Variants in CRYBA2 observed in about 807,000 individuals in gnomAD.
The protein encoded by CRYBA2 is beta-crystallin A2.
A neutral mutation model predicts 18.5 loss-of-function variants in CRYBA2; 17 were observed. The observed-to-expected ratio is 0.92, with a 90% CI of 0.63 to 1.38. CRYBA2 has a LOEUF of 1.38. CRYBA2 is among the 40% of genes most tolerant of loss of function. The pLI is 0.00. For missense variants in CRYBA2, 271 were observed against 265.0 expected (o/e 1.02, Z -0.16); for synonymous variants, 101 against 106.2 (o/e 0.95, Z 0.30).
chr2:218,990,577 G>A lies in CRYBA2; in HGVS notation c.447-178C>T, dbSNP rs533544938. On this transcript the variant is annotated intron_variant, in intron 3 of 3. Transcript: ENST00000295728. Reference sequence around the variant, plus strand: ...CACTGCTTCCAGTCTTTCTGTCACCGTTCTCATCCAGTCTTCTATACCCAC... The same window carrying A: ...CACTGCTTCCAGTCTTTCTGTCACCATTCTCATCCAGTCTTCTATACCCAC... 2.1e-4 allele frequency among the ~76,000 whole-genome samples: 31 copies of A among 150,496 alleles called. 3 individuals carry two copies. The highest frequency in any genetic ancestry group is 1.3e-3 in the Admixed American group (19 of 15,036).
chr2:218,992,140 T>C lies in CRYBA2; in HGVS notation c.265A>G (p.Ser89Gly). 1.2e-6 allele frequency: 2 copies of C among 1,611,306 alleles called. No individual in the cohort carries two copies. Among genetic ancestry groups the C allele is most frequent in the South Asian group, 2.2e-5 (2 of 91,084 alleles). Residue 89 changes from serine to glycine, a missense_variant, in exon 2 of 4, where the codon AGC becomes GGC. Transcript: ENST00000295728. Reference protein sequence around the residue: ...SAWSGSSSHNSNQLLSFRPVL... With the variant: ...SAWSGSSSHNGNQLLSFRPVL... ...GGCCGGAAGGACAGCAGCTGGTTGC[T>C]GTTGTGGCTGCTGCTGCCACTCCAG...
intron 1 of CRYBA2, 94 bp from the exon 2 acceptor site, chr2:218,992,337 A>G: frequency 7.3e-7 from 1 of 1,365,018 alleles, no homozygotes; most frequent in Non-Finnish European, 1.0e-6. Context: ...TGAGAAGCAC[A>G]ATGTTTTTCT....
In CRYBA2 at chr2:218,990,402, A is replaced by G. The variant is rs950200832; in HGVS notation, c.447-3T>C. ...CTGGGTACTGGTAGGCCACCCACCT[A>G]GGCCAGTGAGGGTACAGAGGCAGGG... On this transcript the variant is annotated splice_region_variant and splice_polypyrimidine_tract_variant and intron_variant, in intron 3 of 3. Coordinates refer to ENST00000295728, the MANE Select transcript of CRYBA2 (RefSeq NM_057093.2). 3.1e-6 allele frequency: 5 copies of G among 1,613,802 alleles called. No individual in the cohort carries two copies. The highest frequency in any genetic ancestry group is 4.2e-6 in the Non-Finnish European group (5 of 1,179,988).
In CRYBA2 at chr2:218,992,102, C is replaced by G. The variant is rs373506197; in HGVS notation, c.303G>C (p.Ala101=). Reference sequence around the variant, plus strand: ...GGGAGGAGAAGTGGGCTGTGCTCACCGCGCAGAGCACTGGCCGGAAGGACA... The same window carrying G: ...GGGAGGAGAAGTGGGCTGTGCTCACGGCGCAGAGCACTGGCCGGAAGGACA... ...QLLSFRPVLC[A]NHNDSRVTLF... Residue 101 remains alanine, a splice_region_variant and synonymous_variant, in exon 2 of 4, where the codon GCG becomes GCC. Coordinates refer to ENST00000295728, the MANE Select transcript of CRYBA2 (RefSeq NM_057093.2). 2.5e-6 allele frequency: 4 copies of G among 1,611,328 alleles called. No homozygotes were observed. The highest frequency in any genetic ancestry group is 2.5e-6 in the Non-Finnish European group (3 of 1,178,930).
Position 218,990,897 on chromosome 2 carries a change from C to G in CRYBA2, c.401G>C (p.Gly134Ala), listed in dbSNP as rs1373959820. Residue 134 changes from glycine to alanine, a missense_variant, in exon 3 of 4, where the codon GGC becomes GCC. Coordinates refer to ENST00000295728, the MANE Select transcript of CRYBA2 (RefSeq NM_057093.2). ...VDDYPSLPSM[G>A]WASKDVGSLK... ...GGAACCCACATCCTTGCTGGCCCAG[C>G]CCATGGAGGGCAGGGATGGGTAGTC... The G allele has an allele frequency of 6.2e-7, 1 of 1,614,168 alleles. No homozygotes were observed. Among genetic ancestry groups the G allele is most frequent in the Admixed American group, 1.7e-5 (1 of 60,022 alleles).
At chr2:218,991,817 C>G in intron 2 of CRYBA2, 4 of 417,688 alleles carry the variant, frequency 9.6e-6, no homozygotes, top group Non-Finnish European at 1.7e-5. Context: ...GACAGAGGCA[C>G]TCACTCACAC....
At chr2:218,992,924 G>T in intron 1 of CRYBA2, 92 bp downstream of exon 1, 2 of 1,047,780 alleles carry the variant, frequency 1.9e-6, no homozygotes, top group Non-Finnish European at 2.8e-6. Context: ...TCTCTCCAGG[G>T]CTCACAGGAC....
intron 1 of CRYBA2, 113 bp from the exon 2 acceptor site, chr2:218,992,356 A>G (rs915580117): frequency 2.7e-5 from 31 of 1,155,798 alleles, no homozygotes; most frequent in Non-Finnish European, 3.5e-5. Flanking sequence ...CTCCAACCCC[A>G]AACCCTTCCC....
In CRYBA2 at chr2:218,990,471, GC is replaced by G. The variant is rs1945483342; in HGVS notation, c.447-73del. 5 of 1,524,554 alleles carry G rather than the reference GC, an allele frequency of 3.3e-6. No individual in the cohort carries two copies. The East Asian group carries it at 7.1e-5, about 22-fold the overall frequency. The allele number at this position is 1,524,554 out of a possible 1,614,324, so 94.4% of individuals were successfully genotyped here. A position where few individuals can be genotyped will look rare whatever the true frequency, so the allele number is the denominator to read the frequency against. On this transcript the variant is annotated intron_variant, in intron 3 of 3. Coordinates refer to ENST00000295728, the MANE Select transcript of CRYBA2 (RefSeq NM_057093.2). ...CCCCACCCTATGTTCTCCACCAGCAGCCCCCCTTTTGTAGCTCCCAACCCCC... is the reference window on the plus strand; with the variant it reads ...CCCCACCCTATGTTCTCCACCAGCAGCCCCCTTTTGTAGCTCCCAACCCCC...
At chr2:218,992,951 G>A (rs1012783341) in intron 1 of CRYBA2, 65 bp downstream of exon 1, 1 of 1,363,542 alleles carries the variant, frequency 7.3e-7, no homozygotes, top group Non-Finnish European at 1.0e-6. Flanking sequence ...CTGAGGCTCT[G>A]AGCCTAGGCC....
chr2:218,992,573 C>T (rs1295166904), intron 1 of CRYBA2, among the ~76,000 whole-genome samples: 4 of 152,004 alleles, frequency 2.6e-5, no homozygotes, highest in Non-Finnish European at 5.9e-5. Flanking sequence ...GGACCCCTCC[C>T]GAATATCACA....
At chr2:218,992,020 G>A in intron 2 of CRYBA2, 82 bp downstream of exon 2, 4 of 1,294,408 alleles carry the variant, frequency 3.1e-6, no homozygotes, top group Non-Finnish European at 3.2e-6. Flanking sequence ...CCCATGCAGG[G>A]CTTGAACAGC....
chr2:218,992,264 G>A (rs763011451), intron 1 of CRYBA2, 21 bp from the exon 2 acceptor site: 1 of 1,610,738 alleles, frequency 6.2e-7, no homozygotes, highest in Admixed American at 1.7e-5. Flanking sequence ...AGAAGAGCTG[G>A]GAGGTATCTG....
intron 1 of CRYBA2, among the ~76,000 whole-genome samples, chr2:218,992,446 G>T (rs547944732): frequency 3.9e-5 from 6 of 152,172 alleles, no homozygotes; most frequent in African/African-American, 1.4e-4. Context: ...GGTTTGAGGC[G>T]CCCAGGCTTC....
At chr2:218,992,043 C>T in intron 2 of CRYBA2, 59 bp downstream of exon 2, 2 of 1,514,340 alleles carry the variant, frequency 1.3e-6, no homozygotes, top group South Asian at 1.3e-5. Flanking sequence ...TTCTAGGTGC[C>T]ATGGTGAGGC....
At position 218,990,378 on chromosome 2, in the gene CRYBA2, T is replaced by C. The variant is rs771335800; in HGVS notation, c.468A>G (p.Pro156=). 3.0e-4 allele frequency: 483 copies of C among 1,613,938 alleles called. 1 individual carries two copies. The highest frequency in any genetic ancestry group is 1.5e-4 in the Non-Finnish European group (173 of 1,180,000). The change falls in exon 4 of 4, where the codon CCA becomes CCG. Residue 156 remains proline, a synonymous_variant. Transcript: ENST00000295728. ...SSGAWVAYQY[P]GYRGYQYVLE... is the part of the protein sequence containing the mutation. Reference sequence around the variant, plus strand: ...ACACATACTGGTAGCCTCGGTAGCCTGGGTACTGGTAGGCCACCCACCTAG... The same window carrying C: ...ACACATACTGGTAGCCTCGGTAGCCCGGGTACTGGTAGGCCACCCACCTAG...
At chr2:218,991,885 G>A (rs546566142) in intron 2 of CRYBA2, 14 of 562,322 alleles carry the variant, frequency 2.5e-5, no homozygotes, top group Middle Eastern at 4.6e-4. Flanking sequence ...TGGCCTCAGC[G>A]CTGTCCGTGG....
At chr2:218,991,184 C>CGGGG in intron 2 of CRYBA2, 190 bp from the exon 3 acceptor site, 2 of 716,878 alleles carry the variant, frequency 2.8e-6, no homozygotes, top group Non-Finnish European at 4.3e-6. Flanking sequence ...GAGGTTCCCC[C>CGGGG]GAACCTGGCC....
Position 218,993,298 on chromosome 2 carries a change from G to A in CRYBA2, c.-122C>T. On this transcript the variant is annotated 5_prime_UTR_variant, in exon 1 of 4. Coordinates refer to ENST00000295728, the MANE Select transcript of CRYBA2 (RefSeq NM_057093.2). The surrounding 1 kb of genome is among the most constrained non-coding windows in gnomAD (Gnocchi z 7.7). Reference sequence around the variant, plus strand: ...GAACCCGGGGGCTGGACCCGGCCTAGCTCTGGACCCGGCTGCCAGGGGCTC... The same window carrying A: ...GAACCCGGGGGCTGGACCCGGCCTAACTCTGGACCCGGCTGCCAGGGGCTC... 3 of 991,958 alleles carry A rather than the reference G, an allele frequency of 3.0e-6. No homozygotes were observed. Among genetic ancestry groups the A allele is most frequent in the Non-Finnish European group, 4.3e-6 (3 of 695,682 alleles). The allele number at this position is 991,958 out of a possible 1,614,324, so 61.4% of individuals were successfully genotyped here. A position where few individuals can be genotyped will look rare whatever the true frequency, so the allele number is the denominator to read the frequency against.
Sources: allele counts gnomAD v4.1 joint callset (sites outside exome capture counted in the v4.1 genomes callset), GRCh38; gene constraint gnomAD v4.1.1; non-coding constraint Gnocchi (gnomAD v3.1); transcripts MANE v1.5; gene names NCBI Gene and HGNC (gene_info 2026-07-23, HGNC 2026-07-21).